NFXL1: variants seen among roughly 807,000 people sequenced by gnomAD.
NFXL1 encodes nuclear transcription factor, X-box binding like 1.
Under a neutral mutation model 123.3 loss-of-function variants are expected in NFXL1, and 66 were observed. That is an observed-to-expected ratio of 0.54 (90% CI 0.44 to 0.66). The LOEUF is 0.66. Ranked by LOEUF, NFXL1 falls within the 30% of genes least tolerant of loss-of-function variation. The pLI, the probability that NFXL1 is intolerant of heterozygous loss-of-function variation, is 0.00. For synonymous variants in NFXL1, 346 were observed against 360.8 expected (o/e 0.96, Z 0.46); for missense variants, 944 against 1,125.6 (o/e 0.84, Z 2.31).
At chr4:47,906,843 C>A (rs959918924) in intron 3 of NFXL1, among the ~76,000 whole-genome samples, 4 of 152,122 alleles carry the variant, frequency 2.6e-5, no homozygotes, top group African/African-American at 9.7e-5. Flanking sequence ...CACATCACAG[C>A]GGATAGCATG....
At chr4:47,901,504 C>T (rs1161149641) in intron 5 of NFXL1, among the ~76,000 whole-genome samples, 1 of 152,060 alleles carries the variant, frequency 6.6e-6, no homozygotes, top group East Asian at 1.9e-4. Flanking sequence ...TAAACTAAAA[C>T]CTGGCTTAAT....
intron 12 of NFXL1, among the ~76,000 whole-genome samples, chr4:47,886,482 G>A (rs1015145404): frequency 2.0e-5 from 3 of 151,422 alleles, no homozygotes; most frequent in African/African-American, 4.9e-5. Context: ...ATCCTCCCAC[G>A]TCAGCCTTCC....
At chr4:47,864,711 G>A (rs1734953772) in intron 18 of NFXL1, among the ~76,000 whole-genome samples, 1 of 152,182 alleles carries the variant, frequency 6.6e-6, no homozygotes, top group Non-Finnish European at 1.5e-5. Context: ...GAACACAGAG[G>A]TTCCTGGAGG....
intron 22 of NFXL1, among the ~76,000 whole-genome samples, chr4:47,850,275 T>C (rs1476516122): frequency 6.6e-6 from 1 of 152,150 alleles, no homozygotes; most frequent in African/African-American, 2.4e-5. Context: ...AAAGGTCACC[T>C]TGGCCAACCA....
In NFXL1 at chr4:47,885,482, A is replaced by G; in HGVS notation, c.1824+16T>C. The G allele has an allele frequency of 6.3e-7, 1 of 1,589,990 alleles. No individual in the cohort carries two copies. Among genetic ancestry groups the G allele is most frequent in the Non-Finnish European group, 8.6e-7 (1 of 1,162,196 alleles). On this transcript the variant is annotated intron_variant, in intron 14 of 22. Transcript: ENST00000507489. ...CACAGCAATGCACTATTTCTCTAAT[A>G]GTATTATTCCCTTACCCTGCCAGTC...
intron 19 of NFXL1, 138 bp downstream of exon 19, chr4:47,862,708 C>A: frequency 2.9e-6 from 2 of 693,728 alleles, no homozygotes; most frequent in South Asian, 3.4e-5. Flanking sequence ...TGCATCTACC[C>A]TAACTATATG....
chr4:47,896,488 G>A (rs757517557), intron 10 of NFXL1, 35 bp downstream of exon 10: 1 of 1,548,186 alleles, frequency 6.5e-7, no homozygotes, highest in East Asian at 2.2e-5. Context: ...ATGATAGGTA[G>A]CTCTTAAAAG....
intron 10 of NFXL1, 41 bp downstream of exon 10, chr4:47,896,482 T>C: frequency 1.3e-6 from 2 of 1,511,652 alleles, no homozygotes; most frequent in African/African-American, 1.4e-5. Flanking sequence ...TACATTATGA[T>C]AGGTAGCTCT....
intron 18 of NFXL1, among the ~76,000 whole-genome samples, chr4:47,865,694 T>A (rs1228472496): frequency 6.6e-6 from 1 of 152,118 alleles, no homozygotes; most frequent in Non-Finnish European, 1.5e-5. Flanking sequence ...GGAATGGATT[T>A]TAACAAGTAC....
intron 18 of NFXL1, among the ~76,000 whole-genome samples, chr4:47,869,107 C>T (rs1428469248): frequency 2.0e-5 from 3 of 152,048 alleles, no homozygotes; most frequent in African/African-American, 7.2e-5. Context: ...TGCCTGTAGC[C>T]CCAGCTACTT....
Position 47,885,979 on chromosome 4 carries a change from C to T in NFXL1, c.1564G>A (p.Glu522Lys). ...CHRGSCYPCP[E>K]TVDVKCNCGN... is the part of the protein sequence containing the mutation. ...CAATTACACTTCACATCTACGGTTTCTGGGCAGGGATAGCAACTGCCTGAA... is the reference window on the plus strand; with the variant it reads ...CAATTACACTTCACATCTACGGTTTTTGGGCAGGGATAGCAACTGCCTGAA... Residue 522 changes from glutamate (E) to lysine (K), a missense_variant, in exon 13 of 23, where the codon GAA becomes AAA. By Grantham distance (56) the Glu-to-Lys change is moderately conservative (BLOSUM62 1). Coordinates refer to ENST00000507489, the MANE Select transcript of NFXL1 (RefSeq NM_001278624.2). The T allele has an allele frequency of 6.2e-7, 1 of 1,613,106 alleles. No individual in the cohort carries two copies. The highest frequency in any genetic ancestry group is 8.5e-7 in the Non-Finnish European group (1 of 1,179,696).
At chr4:47,889,813 C>CTGAA (rs1736659366) in intron 12 of NFXL1, among the ~76,000 whole-genome samples, 2 of 152,086 alleles carry the variant, frequency 1.3e-5, no homozygotes, top group East Asian at 3.9e-4. Flanking sequence ...TTCTTGAGAC[C>CTGAA]CTTTCAGGAG....
chr4:47,892,621 C>G (rs1578029257), intron 11 of NFXL1, among the ~76,000 whole-genome samples: 1 of 152,186 alleles, frequency 6.6e-6, no homozygotes, highest in East Asian at 1.9e-4. Context: ...AGAAGACTTA[C>G]TGCCTCAGTA....
At chr4:47,872,574 A>T (rs963257967) in intron 18 of NFXL1, among the ~76,000 whole-genome samples, 1 of 152,224 alleles carries the variant, frequency 6.6e-6, no homozygotes, top group Non-Finnish European at 1.5e-5. Context: ...ATCATACTAA[A>T]GCAAGTCACA....
intron 18 of NFXL1, among the ~76,000 whole-genome samples, chr4:47,873,733 A>T (rs1297045858): frequency 6.6e-6 from 1 of 152,222 alleles, no homozygotes; most frequent in Non-Finnish European, 1.5e-5. Context: ...CACCAGCTGC[A>T]TTAGGGCCCT....
chr4:47,880,954 T>C (rs1187896773), intron 15 of NFXL1, among the ~76,000 whole-genome samples: 2 of 151,178 alleles, frequency 1.3e-5, no homozygotes, highest in Non-Finnish European at 2.9e-5. Context: ...ATGGAAAAGG[T>C]AGAGGGAGGA....
chr4:47,888,493 G>A (rs1218353385), intron 12 of NFXL1, among the ~76,000 whole-genome samples: 2 of 151,126 alleles, frequency 1.3e-5, no homozygotes, highest in African/African-American at 4.9e-5. Flanking sequence ...TTACATCAAG[G>A]AAAATTTTGT....
At chr4:47,884,775 A>G (rs1736323291) in intron 14 of NFXL1, among the ~76,000 whole-genome samples, 1 of 152,106 alleles carries the variant, frequency 6.6e-6, no homozygotes, top group Non-Finnish European at 1.5e-5. Context: ...CATTTTACTC[A>G]CTGTTGTTCC....
At position 47,878,577 on chromosome 4, in the gene NFXL1, A is replaced by C; in HGVS notation, c.2027T>G (p.Met676Arg). The stretch of plus-strand genomic sequence containing the variant: ...TTTGGTTACTTTGTGGCATTCTTTC[A>C]TACATGTGTGATTCTGACAATCCAA... ...RILDCQNHTC[M>R]KECHKVTKTD... Residue 676 changes from methionine (M) to arginine (R), a missense_variant, in exon 17 of 23, where the codon ATG becomes AGG. Met to Arg is a moderately conservative substitution (Grantham distance 91). Transcript: ENST00000507489. 6.2e-7 allele frequency: 1 copy of C among 1,607,734 alleles called. No homozygotes were observed. Among genetic ancestry groups the C allele is most frequent in the Non-Finnish European group, 8.5e-7 (1 of 1,176,928 alleles).
Sources: gnomAD v4.1 joint callset for allele counts (sites outside exome capture counted in the v4.1 genomes callset) on GRCh38, gnomAD v4.1.1 for gene constraint, MANE v1.5 for transcripts, NCBI Gene and HGNC (gene_info 2026-07-23, HGNC 2026-07-21) for gene names.